AGK: variants seen among roughly 807,000 people sequenced by gnomAD.
AGK encodes the protein acylglycerol kinase, also known as acylglycerol kinase, mitochondrial.
In AGK, 52 loss-of-function variants were observed where a neutral mutation model predicts 66.4. The observed-to-expected ratio is 0.78, with a 90% CI of 0.63 to 0.99. The LOEUF is 0.99. Among genes scored for constraint, AGK ranks in the 50% least tolerant of loss-of-function variants. The pLI is 0.00. For missense variants in AGK, 451 were observed against 506.6 expected, an observed-to-expected ratio of 0.89 and a Z score of 1.05; for synonymous variants, 182 against 181.1, an observed-to-expected ratio of 1.00 and a Z score of -0.04.
At position 141,598,275 on chromosome 7, in the gene AGK, C is replaced by T. The variant is rs1796271710; in HGVS notation, c.221+1634C>T. Among the ~76,000 whole-genome samples the T allele has an allele frequency of 6.6e-6, 1 of 152,154 alleles. No homozygotes were observed. The highest frequency in any genetic ancestry group is 2.4e-5 in the African/African-American group (1 of 41,426). The stretch of plus-strand genomic sequence containing the variant: ...CCCCATAAACGCACCAGTCATAATG[C>T]CTATTGATCATTTTTGTTTAATATC... On this transcript the variant is annotated intron_variant, in intron 4 of 15. Coordinates refer to ENST00000649286, the MANE Select transcript of AGK (RefSeq NM_018238.4). This position sits in a 1 kb window ranked among gnomAD's most constrained non-coding sequence, Gnocchi z 4.2.
At chr7:141,569,532 T>A (rs1476848197) in intron 2 of AGK, among the ~76,000 whole-genome samples, 1 of 152,018 alleles carries the variant, frequency 6.6e-6, no homozygotes, top group Non-Finnish European at 1.5e-5. Flanking sequence ...GGACTCTGTC[T>A]CAAAAATAAA....
intron 13 of AGK, chr7:141,649,035 A>T: frequency 2.7e-6 from 1 of 370,808 alleles, no homozygotes; most frequent in South Asian, 8.4e-5. Context: ...GTAGTAAAAA[A>T]AAAAGCCAAG....
intron 9 of AGK, among the ~76,000 whole-genome samples, chr7:141,628,451 CAAAGCCTTGTACTATAAGCATTATAGAT>C (rs1796986873): frequency 6.6e-6 from 1 of 152,152 alleles, no homozygotes; most frequent in South Asian, 2.1e-4. Flanking sequence ...AGATTATAGA[CAAAGCCTTGTACTATAAGCATTATAGAT>C]AAAGCCTGAT....
intron 5 of AGK, among the ~76,000 whole-genome samples, chr7:141,604,817 C>T (rs1034607662): frequency 8.1e-4 from 123 of 151,960 alleles, no homozygotes; most frequent in African/African-American, 2.8e-3. Context: ...CTCTTGACCT[C>T]GTGATCTGCC....
intron 2 of AGK, among the ~76,000 whole-genome samples, chr7:141,575,137 A>G (rs887120492): frequency 6.6e-6 from 1 of 152,246 alleles, no homozygotes; most frequent in African/African-American, 2.4e-5. Flanking sequence ...GGCATTTGCC[A>G]GTACATATGG....
At chr7:141,651,236 A>G (rs985102170) in intron 14 of AGK, among the ~76,000 whole-genome samples, 3 of 152,258 alleles carry the variant, frequency 2.0e-5, no homozygotes, top group African/African-American at 7.2e-5. Context: ...TCTAAGAATT[A>G]GGTACATGTG....
chr7:141,601,105 A>G (rs1796330962), intron 4 of AGK, 100 bp from the exon 5 acceptor site: 1 of 811,180 alleles, frequency 1.2e-6, no homozygotes, highest in Non-Finnish European at 2.0e-6. Context: ...CCCGTATTGC[A>G]TAGTCTTTCT....
At chr7:141,623,400 A>G (rs897443883) in intron 9 of AGK, among the ~76,000 whole-genome samples, 18 of 151,346 alleles carry the variant, frequency 1.2e-4, no homozygotes, top group African/African-American at 1.7e-4. Context: ...AAAGAAAAAA[A>G]AAAGAAAGAA....
intron 2 of AGK, among the ~76,000 whole-genome samples, chr7:141,580,427 A>G (rs1431334962): frequency 6.6e-6 from 1 of 151,950 alleles, no homozygotes; most frequent in Non-Finnish European, 1.5e-5. Context: ...AATTGGGTGA[A>G]TGTCAGGTGG....
chr7:141,619,207 A>G (rs12703396), intron 8 of AGK, among the ~76,000 whole-genome samples: 5,134 of 152,280 alleles, frequency 0.034, 126 homozygotes, highest in South Asian at 0.12. Context: ...TCTAAAATTT[A>G]TATAGAAAAA....
intron 2 of AGK, among the ~76,000 whole-genome samples, chr7:141,577,024 G>GGT (rs893334119): frequency 1.3e-5 from 2 of 151,796 alleles, no homozygotes; most frequent in African/African-American, 4.8e-5. Context: ...TGGGCGACAG[G>GGT]GTGAGACTCC....
In AGK at chr7:141,551,444, G is replaced by C. The variant is rs1795076648; in HGVS notation, c.-15+10G>C. 6.5e-6 allele frequency: 1 copy of C among 153,006 alleles called. No individual in the cohort carries two copies. Among genetic ancestry groups the C allele is most frequent in the Non-Finnish European group, 1.5e-5 (1 of 68,678 alleles). 9.5% of individuals were successfully genotyped at this position (153,006 alleles called of 1,614,324 possible). A position where few individuals can be genotyped will look rare whatever the true frequency, so the allele number is the denominator to read the frequency against. Reference sequence around the variant, plus strand: ...AGCTGGACCAGCCGTGGTGAGTGCAGCGGCGCCCAGGCGGGGAGCGCAGTG... The same window carrying C: ...AGCTGGACCAGCCGTGGTGAGTGCACCGGCGCCCAGGCGGGGAGCGCAGTG... On this transcript the variant is annotated intron_variant, in intron 1 of 15. Transcript: ENST00000649286.
At chr7:141,588,907 A>G (rs1269249505) in intron 2 of AGK, among the ~76,000 whole-genome samples, 2 of 152,190 alleles carry the variant, frequency 1.3e-5, no homozygotes, top group African/African-American at 4.8e-5. Flanking sequence ...TTAACATATA[A>G]TGAGCAGTGA....
intron 2 of AGK, among the ~76,000 whole-genome samples, chr7:141,581,775 A>C (rs1393351688): frequency 6.6e-6 from 1 of 151,928 alleles, no homozygotes; most frequent in African/African-American, 2.4e-5. Flanking sequence ...AGGGAGGCAG[A>C]TAATTTAGTT....
chr7:141,563,797 C>T (rs1795402854), intron 2 of AGK, among the ~76,000 whole-genome samples: 1 of 152,218 alleles, frequency 6.6e-6, no homozygotes, highest in South Asian at 2.1e-4. Context: ...CTTGGCTCCT[C>T]TGTTTTCTTC....
chr7:141,636,414 A>G (rs1022216873), intron 10 of AGK, among the ~76,000 whole-genome samples: 2 of 152,222 alleles, frequency 1.3e-5, no homozygotes, highest in Non-Finnish European at 2.9e-5. Context: ...TGGGGAAAAA[A>G]ATATTCCACA....
intron 12 of AGK, 98 bp from the exon 13 acceptor site, chr7:141,641,713 G>A (rs2117013974): frequency 1.0e-5 from 10 of 995,660 alleles, no homozygotes; most frequent in South Asian, 9.9e-5. Flanking sequence ...CAGCAGAAAG[G>A]TTGAGAAGCT....
At chr7:141,552,170 G>T (rs1335879520) in intron 1 of AGK, among the ~76,000 whole-genome samples, 1 of 152,094 alleles carries the variant, frequency 6.6e-6, no homozygotes, top group East Asian at 1.9e-4. Flanking sequence ...ACAGATTATG[G>T]CAATAACTTC....
At position 141,641,334 on chromosome 7, in the gene AGK, AAGGCCTTCTTTGT is replaced by A; in HGVS notation, c.815_827del (p.Arg272ThrfsTer23). On this transcript the variant is annotated frameshift_variant, in exon 12 of 16. Transcript: ENST00000649286. LOFTEE classifies it high-confidence loss of function. ...ATGAACCAGAGGAGACCCCTGTACAAAGGCCTTCTTTGTACAGGAGAATATTACGAAGGCTTGC... is the reference window on the plus strand; with the variant it reads ...ATGAACCAGAGGAGACCCCTGTACAAACAGGAGAATATTACGAAGGCTTGC... The A allele has an allele frequency of 1.2e-6, 2 of 1,613,960 alleles. No homozygotes were observed. The highest frequency in any genetic ancestry group is 2.2e-5 in the South Asian group (2 of 91,046).
Sources: gnomAD v4.1 joint callset for allele counts (sites outside exome capture counted in the v4.1 genomes callset) on GRCh38, gnomAD v4.1.1 for gene constraint, Gnocchi (gnomAD v3.1) non-coding constraint, MANE v1.5 for transcripts, NCBI Gene and HGNC (gene_info 2026-07-23, HGNC 2026-07-21) for gene names.